The following ANKRD16 variants were observed in gnomAD, a reference collection of about 807,000 sequenced individuals.
ANKRD16 encodes the protein ankyrin repeat domain-containing protein 16.
ANKRD16 carries 35 observed loss-of-function variants against 37.9 expected under a neutral mutation model. The observed-to-expected ratio is 0.92, with a 90% CI of 0.71 to 1.23. The LOEUF is 1.23. Ranked by LOEUF, ANKRD16 falls within the 50% of genes most tolerant of loss-of-function variation. The probability of loss-of-function intolerance (pLI) is 0.00; values close to 1 mark genes in which losing one functional copy is unlikely to be tolerated. For missense variants in ANKRD16, 480 were observed against 469.9 expected (o/e 1.02, Z -0.20); for synonymous variants, 206 against 197.2 (o/e 1.04, Z -0.37).
rs1182799172 is a variant in ANKRD16 at position 5,884,031 on chromosome 10, A to G, written c.625T>C (p.Leu209=). 1.2e-6 allele frequency: 2 copies of G among 1,614,072 alleles called. No homozygotes were observed. Among genetic ancestry groups the G allele is most frequent in the Admixed American group, 1.7e-5 (1 of 60,014 alleles). The change falls in exon 4 of 8, where the codon TTG becomes CTG. Residue 209 remains leucine (L), a synonymous_variant. Transcript: ENST00000380094. ...TGCCCACACTGGATTGCGTCCATCA[A>G]GGCGGTGACGCCACAGTTGTCTCTG... The part of the protein sequence containing the change: ...DYRDNCGVTA[L]MDAIQCGHID...
chr10:5,884,042 CCA>C lies in ANKRD16; in HGVS notation c.612_613del (p.Cys204TrpfsTer18). ...GATTGCGTCCATCAAGGCGGTGACGCCACAGTTGTCTCTGTAGTCTGGTTCAT... is the reference window on the plus strand; with the variant it reads ...GATTGCGTCCATCAAGGCGGTGACGCCAGTTGTCTCTGTAGTCTGGTTCAT... On this transcript the variant is annotated frameshift_variant, in exon 4 of 8. Transcript: ENST00000380094. LOFTEE classifies it high-confidence loss of function. 1.2e-6 allele frequency: 2 copies of C among 1,614,144 alleles called. No homozygotes were observed. The highest frequency in any genetic ancestry group is 1.1e-5 in the South Asian group (1 of 91,088).
In ANKRD16 at chr10:5,883,234, A is replaced by G. The variant is rs1243890063; in HGVS notation, c.688-67T>C. The G allele has an allele frequency of 2.0e-6, 3 of 1,534,784 alleles. No individual in the cohort carries two copies. The Admixed American group carries it at 5.8e-5, about 30-fold the overall frequency. Reference sequence around the variant, plus strand: ...GAAACAGGGCAACTTAGATCTGGGCATCTGCTGGCACTTCAGCAAAACTGA... The same window carrying G: ...GAAACAGGGCAACTTAGATCTGGGCGTCTGCTGGCACTTCAGCAAAACTGA... On this transcript the variant is annotated intron_variant, in intron 4 of 7. Transcript: ENST00000380094.
At chr10:5,882,983 C>T (rs1260667661) in intron 5 of ANKRD16, 23 bp downstream of exon 5, 2 of 1,608,448 alleles carry the variant, frequency 1.2e-6, no homozygotes, top group Middle Eastern at 1.6e-4. Flanking sequence ...GAAGCTCGGA[C>T]AACGTTATAA....
intron 7 of ANKRD16, among the ~76,000 whole-genome samples, chr10:5,872,826 C>G (rs10466294): frequency 0.046 from 6,914 of 150,292 alleles, 187 homozygotes; most frequent in African/African-American, 0.055. Context: ...AAAGTGCTGG[C>G]ATTACAGGCG....
chr10:5,881,438 T>TTATAAATATA (rs1422263395), intron 5 of ANKRD16, among the ~76,000 whole-genome samples: 1,333 of 50,830 alleles, frequency 0.026, 120 homozygotes, highest in Admixed American at 0.048. Flanking sequence ...AAAATATTAT[T>TTATAAATATA]TATATATATA....
At position 5,872,598 on chromosome 10, in the gene ANKRD16, C is replaced by T. The variant is rs1358633645; in HGVS notation, c.*33+5499G>A. On this transcript the variant is annotated intron_variant, in intron 7 of 7. Transcript: ENST00000380094. ...TTGAGATGGAATCTCACTCTGTTGC[C>T]CAGGCTGGAGTGCAGTGGCGCGATC... 5.9e-5 allele frequency among the ~76,000 whole-genome samples: 9 copies of T among 152,128 alleles called. No homozygotes were observed. The East Asian group carries it at 1.2e-3, about 20-fold the overall frequency.
rs573622678 is a variant in ANKRD16, at chr10:5,871,094, T to G, written c.*33+7003A>C. Among the ~76,000 whole-genome samples the G allele has an allele frequency of 6.6e-6, 1 of 152,044 alleles. No individual in the cohort carries two copies. Among genetic ancestry groups the G allele is most frequent in the Non-Finnish European group, 1.5e-5 (1 of 68,004 alleles). On this transcript the variant is annotated intron_variant, in intron 7 of 7. Coordinates refer to ENST00000380094, the MANE Select transcript of ANKRD16 (RefSeq NM_019046.3). This position sits in a 1 kb window ranked among gnomAD's most constrained non-coding sequence, Gnocchi z 4.5. Reference sequence around the variant, plus strand: ...CATCTTGTTTCCTTCTCAGTAAAAATCATGTCACGCAGCCAGGCTTGGTGG... The same window carrying G: ...CATCTTGTTTCCTTCTCAGTAAAAAGCATGTCACGCAGCCAGGCTTGGTGG...
intron 7 of ANKRD16, among the ~76,000 whole-genome samples, chr10:5,877,851 G>A (rs947696346): frequency 2.0e-5 from 3 of 152,174 alleles, no homozygotes; most frequent in African/African-American, 4.8e-5. Context: ...TCGCGCAAAC[G>A]TTATCTATTC....
At position 5,865,251 on chromosome 10, in the gene ANKRD16, A is replaced by G. The variant is rs1841996211; in HGVS notation, c.*34-2560T>C. 6.6e-6 allele frequency among the ~76,000 whole-genome samples: 1 copy of G among 152,138 alleles called. No homozygotes were observed. The highest frequency in any genetic ancestry group is 1.5e-5 in the Non-Finnish European group (1 of 68,010). On this transcript the variant is annotated intron_variant, in intron 7 of 7. Transcript: ENST00000380094. This position sits in a 1 kb window ranked among gnomAD's most constrained non-coding sequence, Gnocchi z 4.7. ...TAAAAAAGACTGTCCAACAAGAAAC[A>G]AGCTGCCCCCTCGCCCATGTCCACT...
At position 5,865,530 on chromosome 10, in the gene ANKRD16, A is replaced by G. The variant is rs1224091837; in HGVS notation, c.*34-2839T>C. Among the ~76,000 whole-genome samples the G allele has an allele frequency of 1.3e-5, 2 of 152,184 alleles. No individual in the cohort carries two copies. The highest frequency in any genetic ancestry group is 4.8e-5 in the African/African-American group (2 of 41,446). On this transcript the variant is annotated intron_variant, in intron 7 of 7. Coordinates refer to ENST00000380094, the MANE Select transcript of ANKRD16 (RefSeq NM_019046.3). This position sits in a 1 kb window ranked among gnomAD's most constrained non-coding sequence, Gnocchi z 4.7. ...ACAGCTGTCCTTGAGGTCTGTTACC[A>G]TCTGAGGCTCAGTGTTAATCTCCTG...
In ANKRD16 at chr10:5,888,013, C is replaced by T. The variant is rs760681878; in HGVS notation, c.369G>A (p.Leu123=). ...TRKNLGVIQE[L]VEHGANPLLK... ...GGAGTGGATTGGCGCCATGTTCCACCAGCTCCTGGATCACCCCCAGGTTCT... is the reference window on the plus strand; with the variant it reads ...GGAGTGGATTGGCGCCATGTTCCACTAGCTCCTGGATCACCCCCAGGTTCT... The change falls in exon 2 of 8, where the codon CTG becomes CTA. Residue 123 remains leucine (L), a synonymous_variant. Transcript: ENST00000380094. 8.1e-6 allele frequency: 13 copies of T among 1,614,190 alleles called. No individual in the cohort carries two copies. Among genetic ancestry groups the T allele is most frequent in the Non-Finnish European group, 1.1e-5 (13 of 1,180,030 alleles).
intron 5 of ANKRD16, among the ~76,000 whole-genome samples, chr10:5,881,494 C>T (rs1842316325): frequency 1.9e-5 from 2 of 106,322 alleles, no homozygotes; most frequent in Admixed American, 1.1e-4. Flanking sequence ...GAGATGTAGT[C>T]TCACTCTGTT....
chr10:5,866,972 G>GA lies in ANKRD16; in HGVS notation c.*34-4282dup, dbSNP rs1564413210. ...ACAAAGAGGGAGTCAGAAGGAGAGA[G>GA]AAAGACAAAGAAGAAGTCAAAGAGA... On this transcript the variant is annotated intron_variant, in intron 7 of 7. Transcript: ENST00000380094. This position sits in a 1 kb window ranked among gnomAD's most constrained non-coding sequence, Gnocchi z 4.3. Among the ~76,000 whole-genome samples, 1 of 151,992 alleles carries GA rather than the reference G, an allele frequency of 6.6e-6. No individual in the cohort carries two copies. Among genetic ancestry groups the GA allele is most frequent in the Non-Finnish European group, 1.5e-5 (1 of 67,986 alleles).
rs1841979224 is a variant in ANKRD16, at chr10:5,863,980, C to T, written c.*34-1289G>A. Among the ~76,000 whole-genome samples the T allele has an allele frequency of 6.6e-6, 1 of 152,104 alleles. No homozygotes were observed. The highest frequency in any genetic ancestry group is 2.4e-5 in the African/African-American group (1 of 41,372). ...CTAAGCCATTGGGACCAGTTTGACC[C>T]ACAAACCCTGAAAAAGAGGTGGCTC... On this transcript the variant is annotated intron_variant, in intron 7 of 7. Coordinates refer to ENST00000380094, the MANE Select transcript of ANKRD16 (RefSeq NM_019046.3). The surrounding 1 kb of genome is among the most constrained non-coding windows in gnomAD (Gnocchi z 4.7).
At chr10:5,882,672 G>C (rs189991230) in intron 5 of ANKRD16, 1 of 174,228 alleles carries the variant, frequency 5.7e-6, no homozygotes, top group Non-Finnish European at 1.2e-5. Context: ...CTTAACTTCT[G>C]AAATCCAGTA....
At chr10:5,887,624 T>C (rs1406203432) in intron 2 of ANKRD16, among the ~76,000 whole-genome samples, 1 of 152,034 alleles carries the variant, frequency 6.6e-6, no homozygotes, top group East Asian at 1.9e-4. Flanking sequence ...CCTCAGGTGA[T>C]CCACCCGCCT....
Position 5,870,404 on chromosome 10 carries a change from C to CTTT in ANKRD16, c.*33+7690_*33+7692dup, listed in dbSNP as rs771792284. 1.5e-5 allele frequency among the ~76,000 whole-genome samples: 2 copies of CTTT among 136,960 alleles called. No homozygotes were observed. The highest frequency in any genetic ancestry group is 3.2e-5 in the Non-Finnish European group (2 of 62,750). The allele number at this position is 136,960 out of a possible 152,430, so 89.9% of individuals were successfully genotyped here. On this transcript the variant is annotated intron_variant, in intron 7 of 7. Coordinates refer to ENST00000380094, the MANE Select transcript of ANKRD16 (RefSeq NM_019046.3). This position sits in a 1 kb window ranked among gnomAD's most constrained non-coding sequence, Gnocchi z 5.0. ...GCCAGTCCTCATTCCCTCCCTACTG[C>CTTT]TTTTTTTTTTTTTTTTTGAAACAGG... is the stretch of plus-strand genomic sequence containing the variant.
rs1331490443 is a variant in ANKRD16 at position 5,866,420 on chromosome 10, T to C, written c.*34-3729A>G. On this transcript the variant is annotated intron_variant, in intron 7 of 7. Coordinates refer to ENST00000380094, the MANE Select transcript of ANKRD16 (RefSeq NM_019046.3). This position sits in a 1 kb window ranked among gnomAD's most constrained non-coding sequence, Gnocchi z 4.3. ...CCATTGTTAGTGATGTAACAGTACT[T>C]GAAAGTAAGTCTCTTCCCCAGGGAC... Among the ~76,000 whole-genome samples, 3 of 152,182 alleles carry C rather than the reference T, an allele frequency of 2.0e-5. No individual in the cohort carries two copies.
rs1361305041 is a variant in ANKRD16 at position 5,871,251 on chromosome 10, G to A, written c.*33+6846C>T. Among the ~76,000 whole-genome samples, 1 of 152,158 alleles carries A rather than the reference G, an allele frequency of 6.6e-6. No individual in the cohort carries two copies. The highest frequency in any genetic ancestry group is 1.5e-5 in the Non-Finnish European group (1 of 68,032). On this transcript the variant is annotated intron_variant, in intron 7 of 7. Coordinates refer to ENST00000380094, the MANE Select transcript of ANKRD16 (RefSeq NM_019046.3). The surrounding 1 kb of genome is among the most constrained non-coding windows in gnomAD (Gnocchi z 4.5). ...AAAATAGAAAAATTAGCCAGGTGTG[G>A]AGGCGCACGCCTGTAATCCCAGCTA...
Sources: gnomAD v4.1 joint callset for allele counts (sites outside exome capture counted in the v4.1 genomes callset) on GRCh38, gnomAD v4.1.1 for gene constraint, Gnocchi (gnomAD v3.1) non-coding constraint, MANE v1.5 for transcripts, NCBI Gene and HGNC (gene_info 2026-07-23, HGNC 2026-07-21) for gene names.